Variants in IPO13 observed in about 807,000 individuals in gnomAD.
The protein encoded by IPO13 is importin-13.
IPO13 carries 28 observed loss-of-function variants against 115.5 expected under a neutral mutation model. The observed-to-expected ratio is 0.24, with a 90% CI of 0.18 to 0.33. The LOEUF is 0.33. Ranked by LOEUF, IPO13 falls within the 10% of genes least tolerant of loss-of-function variation. IPO13 has a pLI of 1.00. For missense variants in IPO13, 785 were observed against 1,204.6 expected, an observed-to-expected ratio of 0.65 and a Z score of 5.16; for synonymous variants, 414 against 478.9, an observed-to-expected ratio of 0.86 and a Z score of 1.77.
Position 43,946,956 on chromosome 1 carries a change from C to A in IPO13, c.-645C>A. The A allele has an allele frequency of 2.5e-6, 1 of 398,202 alleles. No homozygotes were observed. Among genetic ancestry groups the A allele is most frequent in the Non-Finnish European group, 4.4e-6 (1 of 226,024 alleles). The allele number at this position is 398,202 out of a possible 1,614,324, so 24.7% of individuals were successfully genotyped here. On this transcript the variant is annotated 5_prime_UTR_variant, in exon 1 of 20. Transcript: ENST00000372343. ...CCCCGTCCCGGCCGGCCTGGCTTGTCTTGTCAGTCACTGGGGCGGAGGCAG... is the reference window on the plus strand; with the variant it reads ...CCCCGTCCCGGCCGGCCTGGCTTGTATTGTCAGTCACTGGGGCGGAGGCAG...
intron 14 of IPO13, 40 bp from the exon 15 acceptor site, chr1:43,964,229 G>A: frequency 7.0e-7 from 1 of 1,430,146 alleles, no homozygotes; most frequent in East Asian, 2.3e-5. Flanking sequence ...GTTGCTGTTT[G>A]TATAATTTTT....
rs146256412 is a variant in IPO13, at chr1:43,958,889, C to T, written c.2028C>T (p.Pro676=). ...TGCCAGTGCCACAGGGACCCAACCC[C>T]GTGGGTGACATTTGCCCACGGCAAA... ...RKLPVPQGPN[P]VVVVLQQVFQ... Residue 676 remains proline, a splice_region_variant and synonymous_variant, in exon 11 of 20, where the codon CCC becomes CCT. Coordinates refer to ENST00000372343, the MANE Select transcript of IPO13 (RefSeq NM_014652.4). This position sits in a 1 kb window ranked among gnomAD's most constrained non-coding sequence, Gnocchi z 6.3. The T allele has an allele frequency of 5.6e-5, 90 of 1,613,578 alleles. No individual in the cohort carries two copies. The African/African-American group carries it at 5.7e-4, about 10-fold the overall frequency.
At chr1:43,959,238 T>G (rs1269290030) in intron 11 of IPO13, among the ~76,000 whole-genome samples, 1 of 152,218 alleles carries the variant, frequency 6.6e-6, no homozygotes. Context: ...CCTAGCTCTG[T>G]AGGGCCTTCT....
At position 43,952,878 on chromosome 1, in the gene IPO13, A is replaced by G. The variant is rs1488949318; in HGVS notation, c.821+2725A>G. Among the ~76,000 whole-genome samples the G allele has an allele frequency of 6.6e-6, 1 of 152,220 alleles. No homozygotes were observed. Among genetic ancestry groups the G allele is most frequent in the East Asian group, 1.9e-4 (1 of 5,200 alleles). ...TGTGTTGGGAGTTATTATGATACTT[A>G]TCCCCTGGCTTCCCAGGCTTTCCAG... On this transcript the variant is annotated intron_variant, in intron 2 of 19. Transcript: ENST00000372343. This position sits in a 1 kb window ranked among gnomAD's most constrained non-coding sequence, Gnocchi z 4.7.
In IPO13 at chr1:43,958,942, C is replaced by T; in HGVS notation, c.2028+53C>T. The T allele has an allele frequency of 6.5e-7, 1 of 1,545,942 alleles. No individual in the cohort carries two copies. The highest frequency in any genetic ancestry group is 1.1e-5 in the South Asian group (1 of 88,636). Reference sequence around the variant, plus strand: ...CATTTGTCTTTGCCATCCCCCCAACCCCCACCTGTGGGAATGTCATTGTCA... The same window carrying T: ...CATTTGTCTTTGCCATCCCCCCAACTCCCACCTGTGGGAATGTCATTGTCA... On this transcript the variant is annotated intron_variant, in intron 11 of 19. Transcript: ENST00000372343. The surrounding 1 kb of genome is among the most constrained non-coding windows in gnomAD (Gnocchi z 6.3).
intron 2 of IPO13, among the ~76,000 whole-genome samples, chr1:43,955,972 G>A (rs1027383112): frequency 7.6e-5 from 10 of 131,912 alleles, no homozygotes; most frequent in African/African-American, 3.1e-4. Flanking sequence ...AGGAGTTCGA[G>A]ACCAGCCTGG....
At position 43,966,699 on chromosome 1, in the gene IPO13, T is replaced by C; in HGVS notation, c.2465-25T>C. On this transcript the variant is annotated intron_variant, in intron 16 of 19. Transcript: ENST00000372343. The surrounding 1 kb of genome is among the most constrained non-coding windows in gnomAD (Gnocchi z 4.1). ...GGCTCCCCTAGAAGGATCGTTAAACTGATCTGCCTCTGCCTTTCCCACAGC... is the reference window on the plus strand; with the variant it reads ...GGCTCCCCTAGAAGGATCGTTAAACCGATCTGCCTCTGCCTTTCCCACAGC... The C allele has an allele frequency of 6.2e-7, 1 of 1,614,184 alleles. No homozygotes were observed. The highest frequency in any genetic ancestry group is 1.1e-5 in the South Asian group (1 of 91,090).
At chr1:43,955,213 G>A (rs1400181385) in intron 2 of IPO13, among the ~76,000 whole-genome samples, 2 of 151,808 alleles carry the variant, frequency 1.3e-5, no homozygotes, top group Non-Finnish European at 2.9e-5. Flanking sequence ...AGAGGGTGGA[G>A]CGGATGGCAG....
rs201542997 is a variant in IPO13, at chr1:43,950,131, A to G, written c.799A>G (p.Ile267Val). The change falls in exon 2 of 20, where the codon ATC becomes GTC. Residue 267 changes from isoleucine (I) to valine (V), a missense_variant. Around this residue, in one of 3 missense-constraint regions of IPO13, gnomAD observed 325 missense variants for 449.8 expected, o/e 0.72. Transcript: ENST00000372343. Reference sequence around the variant, plus strand: ...CAGTGTGGAGGCCATTGTGAATGCCATCTCACAGCCTGATGCCCAGAGGTG... The same window carrying G: ...CAGTGTGGAGGCCATTGTGAATGCCGTCTCACAGCCTGATGCCCAGAGGTG... ...DSSVEAIVNA[I>V]SQPDAQRYVN... is the part of the protein sequence containing the mutation. 17 of 1,611,580 alleles carry G rather than the reference A, an allele frequency of 1.1e-5. No individual in the cohort carries two copies. The highest frequency in any genetic ancestry group is 1.7e-4 in the Middle Eastern group (1 of 6,060).
chr1:43,961,664 T>C (rs903209188), intron 14 of IPO13, among the ~76,000 whole-genome samples: 1 of 152,226 alleles, frequency 6.6e-6, no homozygotes, highest in Non-Finnish European at 1.5e-5. Flanking sequence ...ACTAGTTGTG[T>C]GTCCTTGGGC....
At position 43,967,750 on chromosome 1, in the gene IPO13, C is replaced by T; in HGVS notation, c.*68C>T. 1 of 1,412,196 alleles carries T rather than the reference C, an allele frequency of 7.1e-7. No individual in the cohort carries two copies. The highest frequency in any genetic ancestry group is 9.9e-7 in the Non-Finnish European group (1 of 1,005,442). 87.5% of individuals were successfully genotyped at this position (1,412,196 alleles called of 1,614,324 possible). On this transcript the variant is annotated 3_prime_UTR_variant, in exon 20 of 20. Transcript: ENST00000372343. This position sits in a 1 kb window ranked among gnomAD's most constrained non-coding sequence, Gnocchi z 6.1. ...TATTCCCAAAGAGTAAACCTGGACC[C>T]TCACTGCTGTCTCTGCCTCCTTTCT...
intron 14 of IPO13, among the ~76,000 whole-genome samples, chr1:43,963,005 C>T (rs1351094027): frequency 6.6e-6 from 1 of 152,214 alleles, no homozygotes; most frequent in Non-Finnish European, 1.5e-5. Flanking sequence ...CCACCTCTAG[C>T]AGGGTGGCTG....
Position 43,967,710 on chromosome 1 carries a change from C to A in IPO13, c.*28C>A. On this transcript the variant is annotated 3_prime_UTR_variant, in exon 20 of 20. Coordinates refer to ENST00000372343, the MANE Select transcript of IPO13 (RefSeq NM_014652.4). The surrounding 1 kb of genome is among the most constrained non-coding windows in gnomAD (Gnocchi z 6.1). Reference sequence around the variant, plus strand: ...GGTGCCCCCATCCCATCCACCCCTTCTCTTCATCCTTCCCTATTCCCAAAG... The same window carrying A: ...GGTGCCCCCATCCCATCCACCCCTTATCTTCATCCTTCCCTATTCCCAAAG... 6.3e-7 allele frequency: 1 copy of A among 1,586,860 alleles called. No homozygotes were observed. The highest frequency in any genetic ancestry group is 1.3e-5 in the African/African-American group (1 of 74,500).
intron 15 of IPO13, among the ~76,000 whole-genome samples, chr1:43,964,918 G>C (rs1382432976): frequency 1.3e-5 from 2 of 152,166 alleles, no homozygotes; most frequent in African/African-American, 4.8e-5. Context: ...TATGTTTTGA[G>C]TTTGGTTTGG....
Position 43,956,206 on chromosome 1 carries a change from T to G in IPO13, c.822-114T>G. On this transcript the variant is annotated intron_variant, in intron 2 of 19. Coordinates refer to ENST00000372343, the MANE Select transcript of IPO13 (RefSeq NM_014652.4). This position sits in a 1 kb window ranked among gnomAD's most constrained non-coding sequence, Gnocchi z 4.7. ...ACCCTGACCCTTTTTTTGCTTAGGA[T>G]TTGATAAGGGAAGGGGAGCTTTGAT... 2 of 1,223,586 alleles carry G rather than the reference T, an allele frequency of 1.6e-6. No homozygotes were observed. The highest frequency in any genetic ancestry group is 1.5e-5 in the African/African-American group (1 of 66,546). The allele number at this position is 1,223,586 out of a possible 1,614,324, so 75.8% of individuals were successfully genotyped here.
At position 43,956,346 on chromosome 1, in the gene IPO13, T is replaced by C. The variant is rs1473116809; in HGVS notation, c.848T>C (p.Ile283Thr). 2.5e-6 allele frequency: 4 copies of C among 1,614,132 alleles called. No individual in the cohort carries two copies. The highest frequency in any genetic ancestry group is 2.5e-6 in the Non-Finnish European group (3 of 1,180,026). Residue 283 changes from isoleucine (I) to threonine (T), a missense_variant, in exon 3 of 20, where the codon ATC becomes ACC. Physicochemically the swap from Ile to Thr is moderately conservative, Grantham distance 89. Transcript: ENST00000372343. This position sits in a 1 kb window ranked among gnomAD's most constrained non-coding sequence, Gnocchi z 4.7. ...TACGTGAACACACTCCTGAAACTCA[T>C]CCCGCTGGTGCTGGGTCTGCAGGAA... ...QRYVNTLLKL[I>T]PLVLGLQEQL...
At position 43,961,330 on chromosome 1, in the gene IPO13, C is replaced by A. The variant is rs1298362648; in HGVS notation, c.2344+68C>A. On this transcript the variant is annotated intron_variant, in intron 14 of 19. Transcript: ENST00000372343. The stretch of plus-strand genomic sequence containing the variant: ...TGCCTCTGCTTCCCCAAATGGGGAG[C>A]CAAAGCTGCCCACTCTGTTCTTCTC... 1.1e-5 allele frequency: 13 copies of A among 1,237,246 alleles called. No homozygotes were observed. The Admixed American group carries it at 1.7e-4, about 16-fold the overall frequency. 76.6% of individuals were successfully genotyped at this position (1,237,246 alleles called of 1,614,324 possible). A position where few individuals can be genotyped will look rare whatever the true frequency, so the allele number is the denominator to read the frequency against.
Position 43,949,864 on chromosome 1 carries a change from C to G in IPO13, c.532C>G (p.Gln178Glu). Residue 178 changes from glutamine to glutamate, a missense_variant, in exon 2 of 20, where the codon CAG (glutamine) becomes GAG (glutamate). Transcript: ENST00000372343. Reference protein sequence around the residue: ...ELLTVLPEEFQTSRLPQYRKG... With the variant: ...ELLTVLPEEFETSRLPQYRKG... ...GCTGACAGTGCTGCCTGAGGAGTTC[C>G]AGACCAGTCGCCTACCCCAGTACCG... 1.2e-6 allele frequency: 2 copies of G among 1,612,926 alleles called. No homozygotes were observed. Among genetic ancestry groups the G allele is most frequent in the Non-Finnish European group, 1.7e-6 (2 of 1,179,910 alleles).
In IPO13 at chr1:43,966,361, C is replaced by A; in HGVS notation, c.2398-214C>A. 1.6e-6 allele frequency: 1 copy of A among 607,762 alleles called. No homozygotes were observed. Among genetic ancestry groups the A allele is most frequent in the East Asian group, 2.8e-5 (1 of 36,250 alleles). 37.6% of individuals were successfully genotyped at this position (607,762 alleles called of 1,614,324 possible). On this transcript the variant is annotated intron_variant, in intron 15 of 19. Transcript: ENST00000372343. This position sits in a 1 kb window ranked among gnomAD's most constrained non-coding sequence, Gnocchi z 4.1. ...CCTCTCTCACGTACACCTGCGTGTT[C>A]ATGTACACATACATGTACATAGCAT...
Sources: gnomAD v4.1 joint callset for allele counts (sites outside exome capture counted in the v4.1 genomes callset) on GRCh38, gnomAD v4.1.1 for gene constraint, gnomAD v4.1.1 regional missense constraint, Gnocchi (gnomAD v3.1) non-coding constraint, MANE v1.5 for transcripts, NCBI Gene and HGNC (gene_info 2026-07-23, HGNC 2026-07-21) for gene names.